The following WDFY3 variants were observed in gnomAD, a reference collection of about 807,000 sequenced individuals.
WDFY3 encodes WD repeat and FYVE domain-containing protein 3.
A neutral mutation model predicts 409.6 loss-of-function variants in WDFY3; 66 were observed. The ratio of observed to expected loss-of-function variants is 0.16; its 90% CI spans 0.13 to 0.20. The LOEUF is 0.20. Among genes scored for constraint, WDFY3 ranks in the 10% least tolerant of loss-of-function variants. The pLI is 1.00. For missense variants in WDFY3, 3,031 were observed against 4,298.1 expected (o/e 0.71, Z 8.24); for synonymous variants, 1,521 against 1,537.1 (o/e 0.99, Z 0.25).
intron 8 of WDFY3, among the ~76,000 whole-genome samples, chr4:84,829,810 A>AAAATAAAT (rs201691609): frequency 0.13 from 18,423 of 138,576 alleles, 1,344 homozygotes; most frequent in South Asian, 0.2. Context: ...AGACTGTCTC[A>AAAATAAAT]AAATAAATAA....
intron 3 of WDFY3, among the ~76,000 whole-genome samples, chr4:84,867,935 T>C (rs1027871359): frequency 1.7e-4 from 26 of 151,598 alleles, no homozygotes; most frequent in Admixed American, 1.4e-3. Flanking sequence ...CTTTGGGAGG[T>C]CAAGGCGGGC....
intron 27 of WDFY3, among the ~76,000 whole-genome samples, chr4:84,776,531 A>C (rs1263234340): frequency 6.6e-6 from 1 of 152,082 alleles, no homozygotes; most frequent in Non-Finnish European, 1.5e-5. Flanking sequence ...GTCAGTTACC[A>C]GGTGAAAACA....
At chr4:84,933,929 T>G (rs1168032793) in intron 1 of WDFY3, among the ~76,000 whole-genome samples, 1 of 152,148 alleles carries the variant, frequency 6.6e-6, no homozygotes, top group Non-Finnish European at 1.5e-5. Flanking sequence ...TGTCTGCTGA[T>G]AGACACTTAG....
chr4:84,856,920 G>A (rs552110467), intron 4 of WDFY3, among the ~76,000 whole-genome samples: 1 of 152,112 alleles, frequency 6.6e-6, no homozygotes, highest in East Asian at 1.9e-4. Context: ...AGCACAAACG[G>A]CCAAATGTTA....
intron 2 of WDFY3, among the ~76,000 whole-genome samples, chr4:84,899,468 A>T (rs186266770): frequency 3.9e-5 from 6 of 152,308 alleles, no homozygotes; most frequent in Non-Finnish European, 7.4e-5. Context: ...CAAATTAAAC[A>T]TTTATTTATT....
intron 1 of WDFY3, among the ~76,000 whole-genome samples, chr4:84,962,607 T>C (rs531405355): frequency 6.6e-6 from 1 of 152,270 alleles, no homozygotes; most frequent in Middle Eastern, 3.4e-3. Flanking sequence ...TGTTAAACTT[T>C]TACTTTCACT....
intron 51 of WDFY3, among the ~76,000 whole-genome samples, chr4:84,712,788 G>A (rs1289557060): frequency 6.6e-6 from 1 of 152,164 alleles, no homozygotes; most frequent in Non-Finnish European, 1.5e-5. Flanking sequence ...TTTTATATAT[G>A]TGATGAATAG....
chr4:84,737,569 A>T (rs1490144017), intron 40 of WDFY3, among the ~76,000 whole-genome samples: 1 of 152,120 alleles, frequency 6.6e-6, no homozygotes, highest in Non-Finnish European at 1.5e-5. Flanking sequence ...TTTAGAAAAC[A>T]TTAAAAAAAC....
At chr4:84,863,398 C>A (rs1760932355) in intron 3 of WDFY3, among the ~76,000 whole-genome samples, 1 of 152,150 alleles carries the variant, frequency 6.6e-6, no homozygotes, top group Non-Finnish European at 1.5e-5. Flanking sequence ...CACCTTCTGG[C>A]CAACATTCTC....
intron 44 of WDFY3, among the ~76,000 whole-genome samples, chr4:84,727,299 T>C (rs1735817339): frequency 6.6e-6 from 1 of 152,086 alleles, no homozygotes. Context: ...TGCTAGCTAG[T>C]ATCTTCCATC....
intron 13 of WDFY3, among the ~76,000 whole-genome samples, 198 bp from the exon 14 acceptor site, chr4:84,810,542 G>A (rs1185492447): frequency 6.6e-6 from 1 of 152,112 alleles, no homozygotes; most frequent in African/African-American, 2.4e-5. Context: ...GGTAATTTTA[G>A]GAAACACTAT....
At chr4:84,957,325 G>A (rs756836261) in intron 1 of WDFY3, among the ~76,000 whole-genome samples, 3 of 149,630 alleles carry the variant, frequency 2.0e-5, no homozygotes, top group Admixed American at 6.7e-5. Flanking sequence ...GGACTATAAC[G>A]CTATGGAAGA....
intron 40 of WDFY3, 117 bp downstream of exon 40, chr4:84,738,893 C>G: frequency 1.1e-6 from 1 of 947,182 alleles, no homozygotes. Flanking sequence ...ATAGGTTGCC[C>G]TACTGGGAGA....
chr4:84,737,535 G>A (rs1224552823), intron 40 of WDFY3, among the ~76,000 whole-genome samples, 169 bp from the exon 41 acceptor site: 1 of 151,812 alleles, frequency 6.6e-6, no homozygotes, highest in East Asian at 1.9e-4. Flanking sequence ...AGGTTATTTA[G>A]ACAACTGAAA....
At chr4:84,747,017 T>C (rs1739568586) in intron 36 of WDFY3, among the ~76,000 whole-genome samples, 1 of 152,174 alleles carries the variant, frequency 6.6e-6, no homozygotes, top group Non-Finnish European at 1.5e-5. Context: ...AAGTGTGGGC[T>C]ACAATCTCTT....
intron 62 of WDFY3, among the ~76,000 whole-genome samples, chr4:84,686,817 G>A (rs1728407993): frequency 1.3e-5 from 2 of 152,180 alleles, no homozygotes; most frequent in South Asian, 2.1e-4. Context: ...TTACTAACGC[G>A]ATAAGCTTGT....
At chr4:84,945,490 TC>T (rs1772703827) in intron 1 of WDFY3, among the ~76,000 whole-genome samples, 1 of 152,210 alleles carries the variant, frequency 6.6e-6, no homozygotes, top group African/African-American at 2.4e-5. Flanking sequence ...GGAACTCACT[TC>T]AAATGGTGAT....
At chr4:84,684,177 C>T (rs779574020) in intron 62 of WDFY3, 52 bp from the exon 63 acceptor site, 2 of 1,449,342 alleles carry the variant, frequency 1.4e-6, no homozygotes, top group Non-Finnish European at 1.8e-6. Context: ...CAATTACCTT[C>T]TGGTTTCTGA....
intron 36 of WDFY3, among the ~76,000 whole-genome samples, chr4:84,749,433 T>A (rs1740099702): frequency 6.6e-6 from 1 of 152,162 alleles, no homozygotes; most frequent in South Asian, 2.1e-4. Flanking sequence ...TTTCCAGGGA[T>A]GAAGTTAATA....
Sources: gnomAD v4.1 joint callset for allele counts (sites outside exome capture counted in the v4.1 genomes callset) on GRCh38, gnomAD v4.1.1 for gene constraint, MANE v1.5 for transcripts, NCBI Gene and HGNC (gene_info 2026-07-23, HGNC 2026-07-21) for gene names.